XPO7: variants seen among roughly 807,000 people sequenced by gnomAD.
XPO7 encodes the protein exportin 7, also known as exportin-7.
A neutral mutation model predicts 144.3 loss-of-function variants in XPO7; 21 were observed. The ratio of observed to expected loss-of-function variants is 0.15; its 90% CI spans 0.10 to 0.21. The LOEUF (loss-of-function observed/expected upper bound fraction) is 0.21, where lower values mean the gene tolerates loss of function less well. XPO7 is among the 10% of genes least tolerant of loss of function. The pLI, the probability that XPO7 is intolerant of heterozygous loss-of-function variation, is 1.00. For synonymous variants in XPO7, 580 were observed against 499.6 expected, an observed-to-expected ratio of 1.16 and a Z score of -2.15; for missense variants, 808 against 1,325.8, an observed-to-expected ratio of 0.61 and a Z score of 6.06.
In XPO7 at chr8:21,919,808, G is replaced by A. The variant is rs559915880; in HGVS notation, c.18+20G>A. ...GTGCAGGTGAGAGGAGCCGCGGGGG[G>A]GAGGGGGCGACCACGAAGAGCGGCG... On this transcript the variant is annotated intron_variant, in intron 1 of 27. Transcript: ENST00000252512. 2.2e-3 allele frequency: 1,055 copies of A among 488,364 alleles called. 4 individuals carry two copies. Among genetic ancestry groups the A allele is most frequent in the Middle Eastern group, 2.9e-3 (4 of 1,382 alleles). The allele number at this position is 488,364 out of a possible 1,614,324, so 30.3% of individuals were successfully genotyped here. A position where few individuals can be genotyped will look rare whatever the true frequency, so the allele number is the denominator to read the frequency against.
At chr8:21,986,353 A>G (rs953587372) in intron 13 of XPO7, among the ~76,000 whole-genome samples, 4 of 152,048 alleles carry the variant, frequency 2.6e-5, no homozygotes, top group Admixed American at 6.5e-5. Flanking sequence ...GGGTTTCACC[A>G]TGTTGGCCAG....
At chr8:21,933,290 T>C (rs956248389) in intron 1 of XPO7, among the ~76,000 whole-genome samples, 2 of 151,938 alleles carry the variant, frequency 1.3e-5, no homozygotes, top group African/African-American at 4.8e-5. Context: ...TTAGTAGAGA[T>C]GGGGTTTCAC....
Position 22,005,217 on chromosome 8 carries a change from G to C in XPO7, c.*129G>C. On this transcript the variant is annotated 3_prime_UTR_variant, in exon 28 of 28. Coordinates refer to ENST00000252512, the MANE Select transcript of XPO7 (RefSeq NM_015024.5). ...CCAGGGGTGTGGGGAAAATGGCAAA[G>C]GTCAACTAGCTGCTTCCCCAGGGAA... The C allele has an allele frequency of 1.5e-6, 1 of 682,980 alleles. No individual in the cohort carries two copies. Among genetic ancestry groups the C allele is most frequent in the Non-Finnish European group, 2.4e-6 (1 of 423,430 alleles). 42.3% of individuals were successfully genotyped at this position (682,980 alleles called of 1,614,324 possible).
At chr8:21,928,227 ACT>A (rs1810527165) in intron 1 of XPO7, among the ~76,000 whole-genome samples, 1 of 152,176 alleles carries the variant, frequency 6.6e-6, no homozygotes, top group African/African-American at 2.4e-5. Flanking sequence ...CAGCATAGTA[ACT>A]CTGAGATTGA....
Position 21,981,789 on chromosome 8 carries a change from G to A in XPO7, c.1016G>A (p.Ser339Asn). Residue 339 changes from serine (S) to asparagine (N), a missense_variant, in exon 10 of 28, where the codon AGT becomes AAT. Physicochemically the swap from Ser to Asn is conservative, Grantham distance 46 (BLOSUM62 1). Transcript: ENST00000252512. ...TGCAGACTACTGGCCCGATTGAAGAGTAACTATCAACTGGGAGAATTGGTA... is the reference window on the plus strand; with the variant it reads ...TGCAGACTACTGGCCCGATTGAAGAATAACTATCAACTGGGAGAATTGGTA... ...EFCRLLARLK[S>N]NYQLGELVKV... is the part of the protein sequence containing the mutation. The A allele has an allele frequency of 6.2e-7, 1 of 1,613,956 alleles. No homozygotes were observed. The highest frequency in any genetic ancestry group is 8.5e-7 in the Non-Finnish European group (1 of 1,179,878).
chr8:22,003,416 G>A, intron 26 of XPO7, 99 bp downstream of exon 26: 5 of 903,382 alleles, frequency 5.5e-6, no homozygotes, highest in South Asian at 5.1e-5. Flanking sequence ...AACACCCCAC[G>A]GTGGTGAAAC....
chr8:21,931,806 A>C (rs777293062), intron 1 of XPO7, among the ~76,000 whole-genome samples: 1 of 152,120 alleles, frequency 6.6e-6, no homozygotes, highest in Non-Finnish European at 1.5e-5. Context: ...ATCCTCTATC[A>C]ACTGTTGTTT....
chr8:21,940,435 A>C (rs1810952544), intron 1 of XPO7, among the ~76,000 whole-genome samples: 1 of 151,776 alleles, frequency 6.6e-6, no homozygotes, highest in Non-Finnish European at 1.5e-5. Flanking sequence ...GTAGTAAGCA[A>C]CAGTGGCTCC....
At chr8:21,945,442 C>T (rs1336753896) in intron 1 of XPO7, among the ~76,000 whole-genome samples, 1 of 152,140 alleles carries the variant, frequency 6.6e-6, no homozygotes, top group African/African-American at 2.4e-5. Flanking sequence ...AAATTTTATA[C>T]AGACAAATGC....
At chr8:21,953,052 C>T (rs1276169864) in intron 1 of XPO7, among the ~76,000 whole-genome samples, 1 of 130,680 alleles carries the variant, frequency 7.7e-6, no homozygotes, top group Non-Finnish European at 1.6e-5. Flanking sequence ...CGCCCATTAA[C>T]GTCTTGCATT....
chr8:21,925,536 A>T (rs1016199391), intron 1 of XPO7, among the ~76,000 whole-genome samples: 4 of 152,224 alleles, frequency 2.6e-5, no homozygotes, highest in Non-Finnish European at 4.4e-5. Context: ...GATGATGTTC[A>T]TGGTGGTGGT....
At chr8:21,965,566 G>A (rs1585447662) in intron 1 of XPO7, among the ~76,000 whole-genome samples, 1 of 152,182 alleles carries the variant, frequency 6.6e-6, no homozygotes, top group Admixed American at 6.5e-5. Flanking sequence ...CGTTTTAAGG[G>A]CAAGGTTGTT....
At chr8:21,926,091 A>G (rs1810450637) in intron 1 of XPO7, among the ~76,000 whole-genome samples, 1 of 152,202 alleles carries the variant, frequency 6.6e-6, no homozygotes, top group South Asian at 2.1e-4. Context: ...AGGCTGAGAA[A>G]TGATTCTCAC....
intron 1 of XPO7, among the ~76,000 whole-genome samples, chr8:21,929,030 GA>G (rs1221147014): frequency 2.6e-5 from 4 of 152,162 alleles, no homozygotes; most frequent in Admixed American, 2.6e-4. Flanking sequence ...CTTTTGGGTG[GA>G]GGACGTACCA....
intron 5 of XPO7, among the ~76,000 whole-genome samples, chr8:21,972,147 C>A (rs975073079): frequency 6.6e-6 from 1 of 151,746 alleles, no homozygotes. Flanking sequence ...CTTTCTGTCT[C>A]CAGGTTGTTT....
At chr8:21,986,522 A>G (rs1168719259) in intron 13 of XPO7, among the ~76,000 whole-genome samples, 1 of 152,086 alleles carries the variant, frequency 6.6e-6, no homozygotes, top group Non-Finnish European at 1.5e-5. Context: ...TCAGATGCCC[A>G]TTTGCCCAGA....
intron 14 of XPO7, 90 bp from the exon 15 acceptor site, chr8:21,987,694 A>C: frequency 7.1e-7 from 1 of 1,412,652 alleles, no homozygotes; most frequent in Non-Finnish European, 9.8e-7. Flanking sequence ...ATTTTCTTCC[A>C]CATCTTACCC....
chr8:21,924,233 A>G (rs956955268), intron 1 of XPO7, among the ~76,000 whole-genome samples: 4 of 152,306 alleles, frequency 2.6e-5, no homozygotes, highest in Non-Finnish European at 5.9e-5. Flanking sequence ...CTGTAATGAT[A>G]TATGCTGTGT....
At chr8:21,966,724 C>T (rs1236785102) in intron 1 of XPO7, 133 bp from the exon 2 acceptor site, 1 of 1,268,526 alleles carries the variant, frequency 7.9e-7, no homozygotes, top group Non-Finnish European at 1.1e-6. Flanking sequence ...GTGAATGTTA[C>T]CCAGGTTCTC....
Sources: gnomAD v4.1 joint callset for allele counts (sites outside exome capture counted in the v4.1 genomes callset) on GRCh38, gnomAD v4.1.1 for gene constraint, MANE v1.5 for transcripts, NCBI Gene and HGNC (gene_info 2026-07-23, HGNC 2026-07-21) for gene names.